EDIL3: variants seen among roughly 807,000 people sequenced by gnomAD.
EDIL3 encodes the protein EGF like and discoidin domains 3, also known as EGF-like repeat and discoidin I-like domain-containing protein 3.
A neutral mutation model predicts 67.4 loss-of-function variants in EDIL3; 37 were observed. The ratio of observed to expected loss-of-function variants is 0.55; its 90% CI spans 0.42 to 0.72. EDIL3 has a LOEUF of 0.72. Ranked by LOEUF, EDIL3 falls within the 30% of genes least tolerant of loss-of-function variation. The pLI is 0.00. For synonymous variants in EDIL3, 195 were observed against 196.3 expected (o/e 0.99, Z 0.05); for missense variants, 527 against 586.3 (o/e 0.90, Z 1.04).
intron 6 of EDIL3, among the ~76,000 whole-genome samples, chr5:84,079,357 C>T (rs185689268): frequency 1.2e-4 from 18 of 152,194 alleles, no homozygotes; most frequent in Non-Finnish European, 2.4e-4. Context: ...TCTGAAGTCT[C>T]GTGGAACTGT....
chr5:84,164,130 T>C, intron 4 of EDIL3, among the ~76,000 whole-genome samples: 1 of 152,188 alleles, frequency 6.6e-6, no homozygotes, highest in East Asian at 1.9e-4. Context: ...TATGCCCTGC[T>C]TTTTCCACAA....
At chr5:84,021,650 T>C (rs189043679) in intron 9 of EDIL3, among the ~76,000 whole-genome samples, 9 of 152,148 alleles carry the variant, frequency 5.9e-5, no homozygotes, top group African/African-American at 2.2e-4. Context: ...TTCTATGCGC[T>C]GATGAGAACG....
At chr5:83,987,627 A>G (rs764531165) in intron 9 of EDIL3, among the ~76,000 whole-genome samples, 15 of 152,126 alleles carry the variant, frequency 9.9e-5, no homozygotes, top group Non-Finnish European at 2.1e-4. Flanking sequence ...TATTTCAAAC[A>G]GCATTTGCTG....
At position 84,310,553 on chromosome 5, in the gene EDIL3, C is replaced by T. The variant is rs556848367; in HGVS notation, c.68-56341G>A. 3.3e-5 allele frequency among the ~76,000 whole-genome samples: 5 copies of T among 152,206 alleles called. No individual in the cohort carries two copies. The East Asian group carries it at 9.7e-4, about 29-fold the overall frequency. On this transcript the variant is annotated intron_variant, in intron 1 of 10. Coordinates refer to ENST00000296591, the MANE Select transcript of EDIL3 (RefSeq NM_005711.5). Reference sequence around the variant, plus strand: ...GCAAGTGTTGAAAAAATAAATTTCTCATCTAAGCACTATGAGTGACATGAC... The same window carrying T: ...GCAAGTGTTGAAAAAATAAATTTCTTATCTAAGCACTATGAGTGACATGAC...
chr5:84,139,919 G>A (rs1384066075), intron 4 of EDIL3, among the ~76,000 whole-genome samples: 2 of 152,176 alleles, frequency 1.3e-5, no homozygotes, highest in Non-Finnish European at 2.9e-5. Flanking sequence ...TTTAGGTACA[G>A]GAGTAAAGCA....
At chr5:84,116,932 T>C (rs977377351) in intron 5 of EDIL3, among the ~76,000 whole-genome samples, 3 of 151,978 alleles carry the variant, frequency 2.0e-5, no homozygotes, top group African/African-American at 4.8e-5. Context: ...TATTGAAATA[T>C]GAAAGTTGAC....
intron 1 of EDIL3, among the ~76,000 whole-genome samples, chr5:84,282,014 C>T (rs1009651262): frequency 6.6e-6 from 1 of 150,816 alleles, no homozygotes; most frequent in Non-Finnish European, 1.5e-5. Flanking sequence ...TTACAGGTGC[C>T]GGCCACTACA....
At chr5:84,276,436 TCTAA>T (rs1465567888) in intron 1 of EDIL3, among the ~76,000 whole-genome samples, 2 of 152,218 alleles carry the variant, frequency 1.3e-5, no homozygotes, top group African/African-American at 4.8e-5. Context: ...GTACTTAATC[TCTAA>T]CTATTCTGTA....
chr5:84,145,417 T>C (rs916700593), intron 4 of EDIL3, among the ~76,000 whole-genome samples: 1 of 152,082 alleles, frequency 6.6e-6, no homozygotes, highest in Non-Finnish European at 1.5e-5. Flanking sequence ...TGGGACCAGA[T>C]TTTTATGGCC....
rs146091284 is a variant in EDIL3, at chr5:84,193,311, T to G, written c.227-12790A>C. Reference sequence around the variant, plus strand: ...GTGGGCTGGTAGGTATGGATGGAAGTGGACAGATTGGACAGAGAAGGGTCG... The same window carrying G: ...GTGGGCTGGTAGGTATGGATGGAAGGGGACAGATTGGACAGAGAAGGGTCG... On this transcript the variant is annotated intron_variant, in intron 3 of 10. Transcript: ENST00000296591. Among the ~76,000 whole-genome samples the G allele has an allele frequency of 5.7e-4, 86 of 151,878 alleles. 1 individual carries two copies. The East Asian group carries it at 0.015, about 27-fold the overall frequency.
At chr5:84,223,270 T>C (rs1744382721) in intron 3 of EDIL3, among the ~76,000 whole-genome samples, 1 of 151,758 alleles carries the variant, frequency 6.6e-6, no homozygotes, top group East Asian at 1.9e-4. Context: ...AATAACTATA[T>C]GACCTAGCAA....
intron 1 of EDIL3, among the ~76,000 whole-genome samples, chr5:84,266,471 T>G (rs1030914178): frequency 6.6e-6 from 1 of 152,172 alleles, no homozygotes; most frequent in African/African-American, 2.4e-5. Context: ...CTCTACACAG[T>G]TTTGTCAGAG....
At chr5:84,012,506 T>C (rs1037579199) in intron 9 of EDIL3, among the ~76,000 whole-genome samples, 5 of 152,108 alleles carry the variant, frequency 3.3e-5, no homozygotes, top group Non-Finnish European at 7.4e-5. Flanking sequence ...ATCAATTTAA[T>C]AAAACAAACT....
intron 3 of EDIL3, among the ~76,000 whole-genome samples, chr5:84,209,672 T>C (rs79520888): frequency 0.01 from 1,583 of 152,060 alleles, 32 homozygotes; most frequent in African/African-American, 0.036. Context: ...TCACGACAGA[T>C]GGTGAACAGT....
At chr5:84,356,032 G>T (rs1747473456) in intron 1 of EDIL3, among the ~76,000 whole-genome samples, 1 of 152,150 alleles carries the variant, frequency 6.6e-6, no homozygotes, top group Non-Finnish European at 1.5e-5. Flanking sequence ...AATCAGAGCA[G>T]ATGGCCGATT....
chr5:84,265,563 T>C (rs902671273), intron 1 of EDIL3, among the ~76,000 whole-genome samples: 2 of 152,240 alleles, frequency 1.3e-5, no homozygotes, highest in African/African-American at 4.8e-5. Context: ...TACAACGTTT[T>C]CACATGAAGA....
intron 10 of EDIL3, among the ~76,000 whole-genome samples, chr5:83,961,415 A>C (rs1370540745): frequency 6.6e-6 from 1 of 151,282 alleles, no homozygotes; most frequent in East Asian, 1.9e-4. Flanking sequence ...AATAAAACAC[A>C]TTAACAAGAA....
intron 4 of EDIL3, among the ~76,000 whole-genome samples, chr5:84,163,300 G>A (rs975054110): frequency 9.2e-5 from 14 of 152,134 alleles, no homozygotes; most frequent in African/African-American, 3.4e-4. Context: ...CCTCAATTTG[G>A]TTGCTCTGAA....
chr5:84,319,491 CAACAAAAA>C (rs1746582792), intron 1 of EDIL3, among the ~76,000 whole-genome samples: 5 of 3,942 alleles, frequency 1.3e-3, no homozygotes, highest in Admixed American at 2.9e-3. Flanking sequence ...AAACAAAAAA[CAACAAAAA>C]AAAAAAAAAA....
Sources: allele counts gnomAD v4.1 joint callset (sites outside exome capture counted in the v4.1 genomes callset), GRCh38; gene constraint gnomAD v4.1.1; transcripts MANE v1.5; gene names NCBI Gene and HGNC (gene_info 2026-07-23, HGNC 2026-07-21).